Variants in SIPA1L1 observed in about 807,000 individuals in gnomAD.
SIPA1L1 encodes the protein signal-induced proliferation-associated 1-like protein 1.
A neutral mutation model predicts 162.7 loss-of-function variants in SIPA1L1; 26 were observed. That is an observed-to-expected ratio of 0.16 (90% CI 0.12 to 0.22). The LOEUF is 0.22. SIPA1L1 is among the 10% of genes least tolerant of loss of function. The probability of loss-of-function intolerance (pLI) is 1.00; values close to 1 mark genes in which losing one functional copy is unlikely to be tolerated. For missense variants in SIPA1L1, 1,874 were observed against 2,241.0 expected (o/e 0.84, Z 3.31); for synonymous variants, 829 against 837.4 (o/e 0.99, Z 0.17).
chr14:71,466,580 G>GAAAAAAA (rs201849523), intron 2 of SIPA1L1, among the ~76,000 whole-genome samples: 1 of 118,128 alleles, frequency 8.5e-6, no homozygotes, highest in East Asian at 2.2e-4. Context: ...GAGCCATACT[G>GAAAAAAA]AAAAAAAAAA....
At chr14:71,672,760 T>A in intron 12 of SIPA1L1, 138 bp downstream of exon 12, 1 of 993,132 alleles carries the variant, frequency 1.0e-6, no homozygotes, top group Non-Finnish European at 1.5e-6. Context: ...GTTTCATCCA[T>A]GGAGTCTGAC....
chr14:71,322,639 G>A (rs1376665983), intron 2 of SIPA1L1, among the ~76,000 whole-genome samples: 1 of 152,154 alleles, frequency 6.6e-6, no homozygotes, highest in Admixed American at 6.5e-5. Context: ...AATTAACAGT[G>A]CATTTAAAAT....
chr14:71,656,542 A>G (rs1465859611), intron 8 of SIPA1L1, among the ~76,000 whole-genome samples: 1 of 152,338 alleles, frequency 6.6e-6, no homozygotes, highest in African/African-American at 2.4e-5. Flanking sequence ...TTGTTGTAGT[A>G]ATACACAGTT....
At chr14:71,670,410 A>G (rs936930425) in intron 10 of SIPA1L1, among the ~76,000 whole-genome samples, 7 of 152,176 alleles carry the variant, frequency 4.6e-5, no homozygotes, top group African/African-American at 1.7e-4. Flanking sequence ...TTTTCTTAGA[A>G]ATAGATTATC....
At chr14:71,559,432 G>A (rs1350983497) in intron 4 of SIPA1L1, among the ~76,000 whole-genome samples, 1 of 152,016 alleles carries the variant, frequency 6.6e-6, no homozygotes. Flanking sequence ...TTAATAATAG[G>A]TACTTTTTAT....
At chr14:71,458,965 T>G (rs2046381925) in intron 2 of SIPA1L1, among the ~76,000 whole-genome samples, 1 of 151,696 alleles carries the variant, frequency 6.6e-6, no homozygotes, top group African/African-American at 2.4e-5. Context: ...CCCAGTTACT[T>G]GGAGGCTGAG....
chr14:71,605,652 T>A (rs1276307320), intron 5 of SIPA1L1, among the ~76,000 whole-genome samples: 1 of 152,190 alleles, frequency 6.6e-6, no homozygotes, highest in African/African-American at 2.4e-5. Context: ...ACAGCATAAG[T>A]TGTGTCTGTG....
chr14:71,646,581 G>A (rs374366857), intron 7 of SIPA1L1, among the ~76,000 whole-genome samples: 1 of 152,152 alleles, frequency 6.6e-6, no homozygotes, highest in Non-Finnish European at 1.5e-5. Flanking sequence ...AGTGTTGAAA[G>A]ACCCCTTTAC....
chr14:71,543,585 T>C (rs2054669691), intron 4 of SIPA1L1, among the ~76,000 whole-genome samples: 1 of 152,194 alleles, frequency 6.6e-6, no homozygotes, highest in Non-Finnish European at 1.5e-5. Flanking sequence ...CTTTTAGCTC[T>C]TCTGCTGGGT....
intron 19 of SIPA1L1, 124 bp from the exon 20 acceptor site, chr14:71,729,931 C>G: frequency 9.4e-7 from 1 of 1,068,154 alleles, no homozygotes; most frequent in Non-Finnish European, 1.4e-6. Flanking sequence ...ACAATGAGCC[C>G]TGAAGCTTCC....
chr14:71,332,983 T>G (rs2140305608), intron 2 of SIPA1L1, among the ~76,000 whole-genome samples: 1 of 152,336 alleles, frequency 6.6e-6, no homozygotes, highest in Middle Eastern at 3.4e-3. Context: ...CTCTAAAATA[T>G]TTTAGTGAGA....
At chr14:71,610,316 A>G (rs752512277) in intron 5 of SIPA1L1, among the ~76,000 whole-genome samples, 3 of 152,210 alleles carry the variant, frequency 2.0e-5, no homozygotes, top group East Asian at 3.8e-4. Flanking sequence ...TTTTTTCCAC[A>G]TATCTAATTA....
At chr14:71,707,902 G>A (rs1387728955) in intron 16 of SIPA1L1, among the ~76,000 whole-genome samples, 1 of 151,340 alleles carries the variant, frequency 6.6e-6, no homozygotes. Context: ...ATTATCATCT[G>A]GCTTTTTTTT....
In SIPA1L1 at chr14:71,589,117, A is replaced by C; in HGVS notation, c.1245A>C (p.Pro415=). 1 of 1,614,146 alleles carries C rather than the reference A, an allele frequency of 6.2e-7. No individual in the cohort carries two copies. Among genetic ancestry groups the C allele is most frequent in the South Asian group, 1.1e-5 (1 of 91,088 alleles). Residue 415 remains proline, a synonymous_variant, in exon 5 of 24, where the codon CCA becomes CCC. Coordinates refer to ENST00000381232, the MANE Select transcript of SIPA1L1 (RefSeq NM_001386936.1). ...GCAATGAGCTTGTAATGAGCTGTCCATATTTTCGGAATGAGATAGGTGGAG... is the reference window on the plus strand; with the variant it reads ...GCAATGAGCTTGTAATGAGCTGTCCCTATTTTCGGAATGAGATAGGTGGAG... The part of the protein sequence containing the change: ...DKSNELVMSC[P]YFRNEIGGEG...
intron 2 of SIPA1L1, among the ~76,000 whole-genome samples, chr14:71,393,950 G>A (rs1449559718): frequency 1.6e-4 from 25 of 152,208 alleles, no homozygotes; most frequent in Admixed American, 1.6e-3. Flanking sequence ...CTACTAGAAA[G>A]TCACTTGTTA....
chr14:71,405,834 T>C (rs939777698), intron 2 of SIPA1L1, among the ~76,000 whole-genome samples: 22 of 152,248 alleles, frequency 1.4e-4, no homozygotes, highest in Admixed American at 5.2e-4. Context: ...CAGGCTAACT[T>C]GTTATCTCAC....
chr14:71,377,804 G>A lies in SIPA1L1; in HGVS notation c.-465+56623G>A, dbSNP rs557540142. 7.9e-5 allele frequency among the ~76,000 whole-genome samples: 12 copies of A among 152,308 alleles called. No homozygotes were observed. Among genetic ancestry groups the A allele is most frequent in the African/African-American group, 1.7e-4 (7 of 41,572 alleles). The stretch of plus-strand genomic sequence containing the variant: ...AGTCCGGCCAACACGGCGAAACCCC[G>A]TCTCCACCAAAAAATACAAAAACCA... On this transcript the variant is annotated intron_variant, in intron 2 of 23. Transcript: ENST00000381232. The surrounding 1 kb of genome is among the most constrained non-coding windows in gnomAD (Gnocchi z 4.8).
Position 71,344,071 on chromosome 14 carries a change from G to T in SIPA1L1, c.-465+22890G>T, listed in dbSNP as rs1252370746. 3.3e-5 allele frequency among the ~76,000 whole-genome samples: 5 copies of T among 152,102 alleles called. No individual in the cohort carries two copies. The South Asian group carries it at 1.0e-3, about 32-fold the overall frequency. ...CAAGGAAAAAACATTTTTTTTGAAG[G>T]GTCTCTTAGGTACTAGCACTTTTTT... On this transcript the variant is annotated intron_variant, in intron 2 of 23. Transcript: ENST00000381232.
intron 3 of SIPA1L1, among the ~76,000 whole-genome samples, chr14:71,520,431 T>A (rs1169006459): frequency 6.6e-6 from 1 of 152,224 alleles, no homozygotes; most frequent in Non-Finnish European, 1.5e-5. Context: ...AAGTATGATA[T>A]ACACACAGAG....
Sources: gnomAD v4.1 joint callset for allele counts (sites outside exome capture counted in the v4.1 genomes callset) on GRCh38, gnomAD v4.1.1 for gene constraint, Gnocchi (gnomAD v3.1) non-coding constraint, MANE v1.5 for transcripts, NCBI Gene and HGNC (gene_info 2026-07-23, HGNC 2026-07-21) for gene names.